The following MDGA2 variants were observed in gnomAD, a reference collection of about 807,000 sequenced individuals.
MDGA2 encodes MAM domain-containing glycosylphosphatidylinositol anchor protein 2.
A neutral mutation model predicts 117.8 loss-of-function variants in MDGA2; 40 were observed. The observed-to-expected ratio is 0.34, with a 90% CI of 0.26 to 0.44. The LOEUF is 0.44. Ranked by LOEUF, MDGA2 falls within the 20% of genes least tolerant of loss-of-function variation. The probability of loss-of-function intolerance (pLI) is 1.00; values close to 1 mark genes in which losing one functional copy is unlikely to be tolerated. For missense variants in MDGA2, 1,123 were observed against 1,250.6 expected (o/e 0.90, Z 1.54); for synonymous variants, 452 against 439.0 (o/e 1.03, Z -0.37).
At position 46,884,985 on chromosome 14, in the gene MDGA2, T is replaced by C. The variant is rs568188004; in HGVS notation, c.2239-2764A>G. The stretch of plus-strand genomic sequence containing the variant: ...CCTCGGCCCCCTGAGTAAATGGAAT[T>C]ACAGGCATCCACAACCACGCCTGGC... On this transcript the variant is annotated intron_variant, in intron 10 of 16. Coordinates refer to ENST00000399232, the MANE Select transcript of MDGA2 (RefSeq NM_001113498.3). This position sits in a 1 kb window ranked among gnomAD's most constrained non-coding sequence, Gnocchi z 4.1. Among the ~76,000 whole-genome samples the C allele has an allele frequency of 2.6e-5, 4 of 152,104 alleles. No individual in the cohort carries two copies. The highest frequency in any genetic ancestry group is 9.6e-5 in the African/African-American group (4 of 41,492).
At position 46,884,045 on chromosome 14, in the gene MDGA2, A is replaced by G. The variant is rs1248716482; in HGVS notation, c.2239-1824T>C. ...TGCTGATAATATGGCTTAAAATTCT[A>G]TTATTGGGGGTTATCTGTGGCCTAT... is the stretch of plus-strand genomic sequence containing the variant. On this transcript the variant is annotated intron_variant, in intron 10 of 16. Coordinates refer to ENST00000399232, the MANE Select transcript of MDGA2 (RefSeq NM_001113498.3). The surrounding 1 kb of genome is among the most constrained non-coding windows in gnomAD (Gnocchi z 4.1). Among the ~76,000 whole-genome samples, 1 of 151,846 alleles carries G rather than the reference A, an allele frequency of 6.6e-6. No individual in the cohort carries two copies. Among genetic ancestry groups the G allele is most frequent in the Non-Finnish European group, 1.5e-5 (1 of 67,972 alleles).
intron 16 of MDGA2, among the ~76,000 whole-genome samples, chr14:46,843,262 C>T (rs376021736): frequency 1.3e-5 from 2 of 152,112 alleles, no homozygotes; most frequent in Admixed American, 6.5e-5. Context: ...TTTCTTTCTG[C>T]ACTAGGGAGT....
chr14:47,643,487 C>A (rs2138251237), intron 1 of MDGA2, among the ~76,000 whole-genome samples: 1 of 152,090 alleles, frequency 6.6e-6, no homozygotes, highest in African/African-American at 2.4e-5. Context: ...CCCAATGATT[C>A]CTAGATACCC....
chr14:47,535,999 T>C (rs6572435), intron 1 of MDGA2, among the ~76,000 whole-genome samples: 25,918 of 152,206 alleles, frequency 0.17, 3,256 homozygotes, highest in African/African-American at 0.35. Flanking sequence ...TGAGCCCTCA[T>C]GGCAATGGCA....
At chr14:47,307,500 G>A (rs1889491256) in intron 1 of MDGA2, among the ~76,000 whole-genome samples, 1 of 152,106 alleles carries the variant, frequency 6.6e-6, no homozygotes, top group Admixed American at 6.5e-5. Context: ...GGCTAACATG[G>A]TGAAACCCAG....
At chr14:47,454,003 AG>A (rs199571274) in intron 1 of MDGA2, among the ~76,000 whole-genome samples, 1,792 of 152,352 alleles carry the variant, frequency 0.012, 34 homozygotes, top group African/African-American at 0.04. Flanking sequence ...ATGATGTAGC[AG>A]ATGTTAAATG....
In MDGA2 at chr14:47,380,253, C is replaced by T. The variant is rs535089275; in HGVS notation, c.281-78703G>A. 3.3e-5 allele frequency among the ~76,000 whole-genome samples: 5 copies of T among 152,080 alleles called. No homozygotes were observed. In the South Asian group the frequency reaches 1.0e-3, roughly 32 times the overall value. On this transcript the variant is annotated intron_variant, in intron 1 of 16. Transcript: ENST00000399232. ...GAGGGAAATTTATAGCACTAAATGC[C>T]CACAAGAGAAAGCAGGAAAGATCTA...
intron 2 of MDGA2, among the ~76,000 whole-genome samples, chr14:47,226,184 A>T (rs1886492461): frequency 6.6e-6 from 1 of 151,362 alleles, no homozygotes; most frequent in Non-Finnish European, 1.5e-5. Flanking sequence ...GCACCACTCC[A>T]GCCTGGGCAA....
At chr14:47,288,092 G>T (rs1359431872) in intron 2 of MDGA2, among the ~76,000 whole-genome samples, 1 of 151,944 alleles carries the variant, frequency 6.6e-6, no homozygotes, top group Non-Finnish European at 1.5e-5. Context: ...CTTTCTTTGT[G>T]ATACTTTCTT....
At chr14:47,074,304 T>G (rs1890408292) in intron 6 of MDGA2, among the ~76,000 whole-genome samples, 1 of 93,058 alleles carries the variant, frequency 1.1e-5, no homozygotes, top group African/African-American at 3.7e-5. Flanking sequence ...GTAACAGAAC[T>G]TTTTTTTTTT....
In MDGA2 at chr14:47,139,686, A is replaced by G. The variant is rs72680209; in HGVS notation, c.792+4392T>C. Among the ~76,000 whole-genome samples the G allele has an allele frequency of 5.9e-3, 890 of 151,146 alleles. 1 individual carries two copies. Among genetic ancestry groups the G allele is most frequent in the Non-Finnish European group, 9.3e-3 (630 of 67,700 alleles). On this transcript the variant is annotated intron_variant, in intron 4 of 16. Transcript: ENST00000399232. ...AAGTTTTTTTCATTATAGAGTACAC[A>G]TGGCAGTATGGGAAACAGTAGTTCA...
chr14:47,034,964 T>C, intron 8 of MDGA2, 47 bp downstream of exon 8: 2 of 1,521,770 alleles, frequency 1.3e-6, no homozygotes, highest in Non-Finnish European at 1.8e-6. Context: ...TGGTAACACT[T>C]CTTCCCTTGT....
chr14:47,440,761 G>A (rs543069743), intron 1 of MDGA2, among the ~76,000 whole-genome samples: 1 of 151,978 alleles, frequency 6.6e-6, no homozygotes, highest in Non-Finnish European at 1.5e-5. Context: ...TCTCACTCTA[G>A]GGGTGCCCTT....
In MDGA2 at chr14:47,511,853, CAG is replaced by C. The variant is rs543263500; in HGVS notation, c.280+162662_280+162663del. On this transcript the variant is annotated intron_variant, in intron 1 of 16. Coordinates refer to ENST00000399232, the MANE Select transcript of MDGA2 (RefSeq NM_001113498.3). ...TGAGGAGAAAGGAAGAGCAGGAAGA[CAG>C]TGAAAAAGGAATGGTGAAGGTGAAC... Among the ~76,000 whole-genome samples the C allele has an allele frequency of 8.5e-5, 13 of 152,156 alleles. No homozygotes were observed. The East Asian group carries it at 2.5e-3, about 29-fold the overall frequency.
intron 1 of MDGA2, among the ~76,000 whole-genome samples, chr14:47,506,590 C>G (rs867861629): frequency 1.3e-5 from 2 of 152,344 alleles, no homozygotes; most frequent in African/African-American, 4.8e-5. Flanking sequence ...ACAGTGGCCA[C>G]CATTCCAGGC....
chr14:47,606,319 A>G (rs1489032979), intron 1 of MDGA2, among the ~76,000 whole-genome samples: 1 of 152,178 alleles, frequency 6.6e-6, no homozygotes, highest in African/African-American at 2.4e-5. Context: ...CTGACACATA[A>G]TTTGGAATCT....
In MDGA2 at chr14:46,957,383, G is replaced by T; in HGVS notation, c.2080C>A (p.Leu694Ile). ...NEAGAGRCSF[L>I]VTGKAYAPEF... ...ATATCTGGAATCCTACCTGTAACAA[G>T]AAAGCTGCATCTCCCAGCTCCAGCT... Residue 694 changes from leucine to isoleucine, a missense_variant, in exon 9 of 17, where the codon CTT (leucine) becomes ATT (isoleucine). Leu to Ile is a conservative substitution (Grantham distance 5). This residue lies in a region of MDGA2 where 890 missense variants were observed against 1,050.3 expected (regional missense o/e 0.85). Transcript: ENST00000399232. 1 of 1,612,892 alleles carries T rather than the reference G, an allele frequency of 6.2e-7. No homozygotes were observed. The highest frequency in any genetic ancestry group is 8.5e-7 in the Non-Finnish European group (1 of 1,179,354).
chr14:47,239,640 G>C (rs1886974360), intron 2 of MDGA2, among the ~76,000 whole-genome samples: 1 of 151,582 alleles, frequency 6.6e-6, no homozygotes, highest in African/African-American at 2.4e-5. Context: ...TATTACCTTT[G>C]GCTATTTTAC....
intron 2 of MDGA2, among the ~76,000 whole-genome samples, chr14:47,290,708 C>T (rs1263754877): frequency 6.6e-6 from 1 of 151,578 alleles, no homozygotes; most frequent in Non-Finnish European, 1.5e-5. Context: ...CCTCATTGAG[C>T]TTGAAAATTC....
Sources: gnomAD v4.1 joint callset for allele counts (sites outside exome capture counted in the v4.1 genomes callset) on GRCh38, gnomAD v4.1.1 for gene constraint, gnomAD v4.1.1 regional missense constraint, Gnocchi (gnomAD v3.1) non-coding constraint, MANE v1.5 for transcripts, NCBI Gene and HGNC (gene_info 2026-07-23, HGNC 2026-07-21) for gene names.